The following NPC1 variants were observed in gnomAD, a reference collection of about 807,000 sequenced individuals.
NPC1 encodes the protein Niemann-Pick C1 protein.
NPC1 carries 85 observed loss-of-function variants against 140.4 expected under a neutral mutation model. The observed-to-expected ratio is 0.61, with a 90% CI of 0.51 to 0.72. The LOEUF is 0.72. Among genes scored for constraint, NPC1 ranks in the 30% least tolerant of loss-of-function variants. The pLI, the probability that NPC1 is intolerant of heterozygous loss-of-function variation, is 0.00. For missense variants in NPC1, 1,504 were observed against 1,623.8 expected (o/e 0.93, Z 1.27); for synonymous variants, 656 against 624.8 (o/e 1.05, Z -0.74).
At chr18:23,551,297 G>A (rs546523622) in intron 10 of NPC1, among the ~76,000 whole-genome samples, 4 of 152,272 alleles carry the variant, frequency 2.6e-5, no homozygotes, top group Admixed American at 6.5e-5. Context: ...GCTCCCTAGA[G>A]GGTCTATAAA....
downstream of NPC1, chr18:23,524,376 G>A (rs780004220): frequency 6.3e-7 from 1 of 1,599,072 alleles, no homozygotes; most frequent in Non-Finnish European, 8.6e-7. Context: ...CGGAAACTGG[G>A]TTTGCTTTTT....
chr18:23,532,409 C>A (rs2058542384), intron 24 of NPC1, 125 bp from the exon 25 acceptor site: 2 of 1,010,168 alleles, frequency 2.0e-6, no homozygotes, highest in East Asian at 4.8e-5. Flanking sequence ...TGAGACCAGC[C>A]TGGACAACAG....
At chr18:23,554,045 C>T (rs1400784178) in intron 9 of NPC1, among the ~76,000 whole-genome samples, 4 of 152,096 alleles carry the variant, frequency 2.6e-5, no homozygotes, top group Admixed American at 6.5e-5. Context: ...GACCCAGGCA[C>T]GAGGTAAAGG....
In NPC1 at chr18:23,568,973, G is replaced by C. The variant is rs771946739; in HGVS notation, c.313C>G (p.Leu105Val). 1 of 1,613,734 alleles carries C rather than the reference G, an allele frequency of 6.2e-7. No homozygotes were observed. Among genetic ancestry groups the C allele is most frequent in the Non-Finnish European group, 8.5e-7 (1 of 1,179,896 alleles). Residue 105 changes from leucine to valine, a missense_variant, in exon 4 of 25, where the codon CTG (leucine) becomes GTG (valine). By Grantham distance (32) the Leu-to-Val change is conservative. Transcript: ENST00000269228. ...CATGTCAGCTCACAAAACAGGTTCAGTAGGTTATAAAAACAGGATGGACAT... is the reference window on the plus strand; with the variant it reads ...CATGTCAGCTCACAAAACAGGTTCACTAGGTTATAAAAACAGGATGGACAT... Reference protein sequence around the residue: ...SRCPSCFYNLLNLFCELTCSP... With the variant: ...SRCPSCFYNLVNLFCELTCSP...
chr18:23,525,112 A>C (rs1225402419), downstream of NPC1, among the ~76,000 whole-genome samples: 1 of 151,218 alleles, frequency 6.6e-6, no homozygotes. Flanking sequence ...ACGCCCAGCT[A>C]ATTTTGTATT....
chr18:23,544,943 A>ACCCTC lies in NPC1; in HGVS notation c.1947+16_1947+17insGAGGG, dbSNP rs1555634620. On this transcript the variant is annotated intron_variant, in intron 12 of 24. Transcript: ENST00000269228. Reference sequence around the variant, plus strand: ...GCTGTTAACCTCTAGAACATACACCACCCCCCCCCGGCTTACCAGAAGCCT... The same window carrying ACCCTC: ...GCTGTTAACCTCTAGAACATACACCACCCTCCCCCCCCCCGGCTTACCAGAAGCCT... The ACCCTC allele has an allele frequency of 4.8e-6, 5 of 1,042,306 alleles. No individual in the cohort carries two copies. The highest frequency in any genetic ancestry group is 7.0e-6 in the Non-Finnish European group (5 of 717,078). 64.6% of individuals were successfully genotyped at this position (1,042,306 alleles called of 1,614,324 possible). A position where few individuals can be genotyped will look rare whatever the true frequency, so the allele number is the denominator to read the frequency against.
Position 23,573,566 on chromosome 18 carries a change from T to C in NPC1, c.66A>G (p.Ser22=), listed in dbSNP as rs144415945. ...ACTCTCCATACCAAACACAGGACTG[T>C]GAAAACACCTACAGAAAGTCAACAC... ...LLLLCPAQVF[S]QSCVWYGECG... Residue 22 remains serine, a synonymous_variant, in exon 2 of 25, where the codon TCA becomes TCG. Transcript: ENST00000269228. 1,696 of 1,614,158 alleles carry C rather than the reference T, an allele frequency of 1.1e-3. 2 individuals are homozygous for C. Among genetic ancestry groups the C allele is most frequent in the Admixed American group, 2.5e-3 (149 of 60,020 alleles).
intron 9 of NPC1, among the ~76,000 whole-genome samples, chr18:23,552,409 C>A (rs1390146847): frequency 2.0e-5 from 3 of 152,144 alleles, no homozygotes; most frequent in Non-Finnish European, 4.4e-5. Flanking sequence ...CAGACAAATG[C>A]AAAATAAAAG....
intron 4 of NPC1, among the ~76,000 whole-genome samples, chr18:23,564,019 C>T (rs1031933722): frequency 2.6e-5 from 3 of 113,606 alleles, no homozygotes; most frequent in Middle Eastern, 7.2e-3. Context: ...GATGGAGTCT[C>T]TGTCCCTCAG....
At chr18:23,554,714 G>C (rs761665511) in intron 9 of NPC1, 44 bp downstream of exon 9, 60 of 1,509,984 alleles carry the variant, frequency 4.0e-5, no homozygotes, top group Non-Finnish European at 5.4e-5. Flanking sequence ...CCCTAAGTCA[G>C]ACCCAAGAAT....
chr18:23,524,265 A>T (rs1425832317), intron 1 of NPC1: 1 of 1,546,464 alleles, frequency 6.5e-7, no homozygotes. Context: ...GGCAGCTGTG[A>T]ATAACACTCC....
Position 23,538,557 on chromosome 18 carries a change from G to C in NPC1, c.3026C>G (p.Pro1009Arg), listed in dbSNP as rs2058666442. Reference sequence around the variant, plus strand: ...CAGCACTTACCCTTTGCCACACTTGGGGTTAGGGTTATCCGAAAGGAACAT... The same window carrying C: ...CAGCACTTACCCTTTGCCACACTTGCGGTTAGGGTTATCCGAAAGGAACAT... ...LPMFLSDNPN[P>R]KCGKGGHAAY... Residue 1009 changes from proline to arginine, a missense_variant, in exon 20 of 25, where the codon CCC becomes CGC. Coordinates refer to ENST00000269228, the MANE Select transcript of NPC1 (RefSeq NM_000271.5). 6.2e-7 allele frequency: 1 copy of C among 1,613,966 alleles called. No homozygotes were observed. Among genetic ancestry groups the C allele is most frequent in the Non-Finnish European group, 8.5e-7 (1 of 1,180,020 alleles).
At position 23,534,562 on chromosome 18, in the gene NPC1, G is replaced by A. The variant is rs2145344067; in HGVS notation, c.3478-3C>T. 4.3e-6 allele frequency: 7 copies of A among 1,610,230 alleles called. No homozygotes were observed. Among genetic ancestry groups the A allele is most frequent in the African/African-American group, 1.3e-5 (1 of 74,988 alleles). ...AACTCCACGGAGATGCCACAGCTCT[G>A]AAATAAAGCACTTCCTTTAGGATGG... is the stretch of plus-strand genomic sequence containing the variant. On this transcript the variant is annotated splice_polypyrimidine_tract_variant and splice_region_variant and intron_variant, in intron 22 of 24. Coordinates refer to ENST00000269228, the MANE Select transcript of NPC1 (RefSeq NM_000271.5).
rs970334248 is a variant in NPC1 at position 23,578,493 on chromosome 18, C to T, written c.58-4919G>A. Among the ~76,000 whole-genome samples the T allele has an allele frequency of 7.9e-5, 12 of 152,234 alleles. No individual in the cohort carries two copies. The East Asian group carries it at 2.3e-3, about 29-fold the overall frequency. ...AATGGGAGCTGCTCAGCCTTCACTC[C>T]CTTCTCACCAACAGCTGAAAGTGGA... On this transcript the variant is annotated intron_variant, in intron 1 of 24. Coordinates refer to ENST00000269228, the MANE Select transcript of NPC1 (RefSeq NM_000271.5).
intron 10 of NPC1, among the ~76,000 whole-genome samples, chr18:23,548,999 G>C (rs550437403): frequency 6.6e-6 from 1 of 152,260 alleles, no homozygotes; most frequent in Non-Finnish European, 1.5e-5. Context: ...ATGTTGCCCA[G>C]GCTGGACTTG....
rs138687799 is a variant in NPC1 at position 23,582,943 on chromosome 18, T to C, written c.57+3344A>G. On this transcript the variant is annotated intron_variant, in intron 1 of 24. Coordinates refer to ENST00000269228, the MANE Select transcript of NPC1 (RefSeq NM_000271.5). ...GGGCAACACAGCAAGACCTTGTGTC[T>C]ACAAAAAATTTAAAAATTAGTTGGG... Among the ~76,000 whole-genome samples the C allele has an allele frequency of 3.3e-3, 503 of 152,000 alleles. 3 individuals are homozygous for C. Among genetic ancestry groups the C allele is most frequent in the African/African-American group, 0.011 (475 of 41,484 alleles).
At chr18:23,530,703 C>A, downstream of NPC1, 1 of 1,245,860 alleles carries the variant, frequency 8.0e-7, no homozygotes, top group Non-Finnish European at 1.1e-6. Context: ...CCTGGGTTAG[C>A]ATTTTTGTAA....
At chr18:23,526,808 C>T, downstream of NPC1, 1 of 1,599,936 alleles carries the variant, frequency 6.3e-7, no homozygotes, top group South Asian at 1.1e-5. Flanking sequence ...CAGTGTGAGG[C>T]CTGTGCTGCC....
At chr18:23,563,477 G>A (rs1199260056) in intron 4 of NPC1, among the ~76,000 whole-genome samples, 2 of 152,224 alleles carry the variant, frequency 1.3e-5, no homozygotes, top group Non-Finnish European at 2.9e-5. Context: ...TTGGAGTGCA[G>A]TGGTGTGATC....
Sources: gnomAD v4.1 joint callset for allele counts (sites outside exome capture counted in the v4.1 genomes callset) on GRCh38, gnomAD v4.1.1 for gene constraint, MANE v1.5 for transcripts, NCBI Gene and HGNC (gene_info 2026-07-23, HGNC 2026-07-21) for gene names.